Variants in PRKN observed in about 807,000 individuals in gnomAD.
The protein encoded by PRKN is parkin RBR E3 ubiquitin protein ligase, also known as E3 ubiquitin-protein ligase parkin.
PRKN carries 56 observed loss-of-function variants against 59.5 expected under a neutral mutation model. That is an observed-to-expected ratio of 0.94 (90% CI 0.76 to 1.18). The LOEUF (loss-of-function observed/expected upper bound fraction) is 1.18. Among genes scored for constraint, PRKN ranks in the 50% most tolerant of loss-of-function variants. The probability of loss-of-function intolerance (pLI) is 0.00; values close to 1 mark genes in which losing one functional copy is unlikely to be tolerated. For synonymous variants in PRKN, 250 were observed against 222.1 expected, an observed-to-expected ratio of 1.13 and a Z score of -1.12; for missense variants, 657 against 596.4, an observed-to-expected ratio of 1.10 and a Z score of -1.06.
At chr6:161,829,183 A>G (rs889889564) in intron 6 of PRKN, among the ~76,000 whole-genome samples, 6 of 152,310 alleles carry the variant, frequency 3.9e-5, no homozygotes, top group African/African-American at 1.2e-4. Context: ...CCAAGATCAC[A>G]CGATTGCACT....
intron 5 of PRKN, among the ~76,000 whole-genome samples, chr6:162,050,766 G>A (rs1249139635): frequency 2.0e-5 from 3 of 152,096 alleles, no homozygotes; most frequent in Non-Finnish European, 4.4e-5. Context: ...TGGTCCATGC[G>A]GAGCACTGAA....
chr6:162,612,192 CAAAAAA>C (rs796515239), intron 1 of PRKN, among the ~76,000 whole-genome samples: 1 of 64,874 alleles, frequency 1.5e-5, no homozygotes, highest in Non-Finnish European at 2.7e-5. Flanking sequence ...GACTCCATCT[CAAAAAA>C]AAAAAAAAAA....
chr6:161,851,948 G>T (rs1284247823), intron 6 of PRKN, among the ~76,000 whole-genome samples: 1 of 151,542 alleles, frequency 6.6e-6, no homozygotes, highest in Admixed American at 6.6e-5. Flanking sequence ...TTAGCCGGGC[G>T]TGGTAGCACA....
intron 4 of PRKN, among the ~76,000 whole-genome samples, chr6:162,055,981 A>G (rs1777842105): frequency 6.7e-6 from 1 of 150,348 alleles, no homozygotes; most frequent in African/African-American, 2.4e-5. Flanking sequence ...TGCACATACC[A>G]CACACACTCA....
At position 161,422,674 on chromosome 6, in the gene PRKN, A is replaced by G. The variant is rs190971176; in HGVS notation, c.1084-35797T>C. Among the ~76,000 whole-genome samples, 18 of 152,274 alleles carry G rather than the reference A, an allele frequency of 1.2e-4. No homozygotes were observed. In the East Asian group the frequency reaches 3.5e-3, roughly 29 times the overall value. ...AGAAGGAAGAAAATTTGAAAGGAAT[A>G]GAGGAAAATAGGAAGGAAAAATAGA... On this transcript the variant is annotated intron_variant, in intron 9 of 11. Transcript: ENST00000366898.
At position 161,390,347 on chromosome 6, in the gene PRKN, C is replaced by G. The variant is rs1303482075; in HGVS notation, c.1084-3470G>C. 1.3e-5 allele frequency among the ~76,000 whole-genome samples: 2 copies of G among 152,194 alleles called. No individual in the cohort carries two copies. Among genetic ancestry groups the G allele is most frequent in the East Asian group, 3.8e-4 (2 of 5,200 alleles). The stretch of plus-strand genomic sequence containing the variant: ...TTGAACACTATGTGATTTATTAACT[C>G]AAGGTAGTTCCCAGTGTTAATGTAG... On this transcript the variant is annotated intron_variant, in intron 9 of 11. Coordinates refer to ENST00000366898, the MANE Select transcript of PRKN (RefSeq NM_004562.3). This position sits in a 1 kb window ranked among gnomAD's most constrained non-coding sequence, Gnocchi z 7.0.
In PRKN at chr6:161,537,511, G is replaced by A. The variant is rs186313528; in HGVS notation, c.1083+11343C>T. 1.7e-3 allele frequency among the ~76,000 whole-genome samples: 253 copies of A among 151,638 alleles called. 3 individuals carry two copies. Among genetic ancestry groups the A allele is most frequent in the Non-Finnish European group, 2.9e-3 (197 of 67,968 alleles). On this transcript the variant is annotated intron_variant, in intron 9 of 11. Transcript: ENST00000366898. Reference sequence around the variant, plus strand: ...CTGTCGCCCAGGCTGGAGTTTAGTGGCGTGATCTCGGCTCACTGCAAGCTC... The same window carrying A: ...CTGTCGCCCAGGCTGGAGTTTAGTGACGTGATCTCGGCTCACTGCAAGCTC...
At chr6:161,958,027 G>A (rs1013200355) in intron 6 of PRKN, among the ~76,000 whole-genome samples, 2 of 151,934 alleles carry the variant, frequency 1.3e-5, no homozygotes, top group African/African-American at 4.8e-5. Context: ...TTTAAAAAGG[G>A]GCATAAAAAC....
At chr6:162,452,966 C>G (rs1181745144) in intron 1 of PRKN, among the ~76,000 whole-genome samples, 1 of 152,104 alleles carries the variant, frequency 6.6e-6, no homozygotes, top group Non-Finnish European at 1.5e-5. Context: ...AAAATAGATT[C>G]AAAGGCAAAA....
rs1023779876 is a variant in PRKN at position 161,470,238 on chromosome 6, A to C, written c.1083+78616T>G. Among the ~76,000 whole-genome samples the C allele has an allele frequency of 6.6e-6, 1 of 152,152 alleles. No homozygotes were observed. Among genetic ancestry groups the C allele is most frequent in the Non-Finnish European group, 1.5e-5 (1 of 68,012 alleles). Reference sequence around the variant, plus strand: ...TGCCACATAATTTTTGTGTTTGATTATATGCTTTAGTTATATTACTACCTT... The same window carrying C: ...TGCCACATAATTTTTGTGTTTGATTCTATGCTTTAGTTATATTACTACCTT... On this transcript the variant is annotated intron_variant, in intron 9 of 11. Transcript: ENST00000366898. The surrounding 1 kb of genome is among the most constrained non-coding windows in gnomAD (Gnocchi z 5.1).
intron 7 of PRKN, among the ~76,000 whole-genome samples, chr6:161,769,243 A>G (rs1323551552): frequency 6.6e-6 from 1 of 152,234 alleles, no homozygotes; most frequent in Non-Finnish European, 1.5e-5. Flanking sequence ...TCTAGAATGC[A>G]TTCTAAAACT....
chr6:161,539,483 G>C (rs1247641804), intron 9 of PRKN, among the ~76,000 whole-genome samples: 1 of 150,024 alleles, frequency 6.7e-6, no homozygotes, highest in Non-Finnish European at 1.5e-5. Context: ...CTCTGCCAGT[G>C]AAAAGCATAT....
chr6:162,625,224 G>C (rs978022115), intron 1 of PRKN, among the ~76,000 whole-genome samples: 4 of 152,190 alleles, frequency 2.6e-5, no homozygotes, highest in African/African-American at 9.7e-5. Flanking sequence ...ACTGAGCGAG[G>C]AATAAATCAG....
At chr6:162,279,443 GAAA>G (rs1303185774) in intron 2 of PRKN, among the ~76,000 whole-genome samples, 2 of 151,440 alleles carry the variant, frequency 1.3e-5, no homozygotes, top group Non-Finnish European at 2.9e-5. Flanking sequence ...AAGAAAGAAA[GAAA>G]GAGACAGAAA....
intron 4 of PRKN, among the ~76,000 whole-genome samples, chr6:162,067,742 C>T (rs2128289701): frequency 6.6e-6 from 1 of 152,210 alleles, no homozygotes; most frequent in African/African-American, 2.4e-5. Flanking sequence ...CCCTAGTGAC[C>T]TATAAACAAA....
At chr6:161,627,561 AG>A (rs1191536178) in intron 7 of PRKN, among the ~76,000 whole-genome samples, 1 of 152,226 alleles carries the variant, frequency 6.6e-6, no homozygotes, top group African/African-American at 2.4e-5. Flanking sequence ...AGACCTCCAA[AG>A]GTCTTTATTT....
At chr6:162,303,887 G>C (rs1428232219) in intron 2 of PRKN, among the ~76,000 whole-genome samples, 1 of 152,088 alleles carries the variant, frequency 6.6e-6, no homozygotes, top group Non-Finnish European at 1.5e-5. Context: ...CCAGGAGGAG[G>C]CAATGGGAGG....
At chr6:161,839,541 G>T (rs1219787783) in intron 6 of PRKN, among the ~76,000 whole-genome samples, 1 of 152,048 alleles carries the variant, frequency 6.6e-6, no homozygotes, top group Non-Finnish European at 1.5e-5. Flanking sequence ...GGTAGCCGGG[G>T]GTCCCACTGA....
chr6:162,061,367 T>C (rs894230498), intron 4 of PRKN, among the ~76,000 whole-genome samples: 51 of 152,128 alleles, frequency 3.4e-4, no homozygotes, highest in African/African-American at 1.2e-3. Flanking sequence ...TTTCTCAAAA[T>C]AGAACTGCCT....
Sources: allele counts gnomAD v4.1 joint callset (sites outside exome capture counted in the v4.1 genomes callset), GRCh38; gene constraint gnomAD v4.1.1; non-coding constraint Gnocchi (gnomAD v3.1); transcripts MANE v1.5; gene names NCBI Gene and HGNC (gene_info 2026-07-23, HGNC 2026-07-21).